UNC5C: variants seen among roughly 807,000 people sequenced by gnomAD.
UNC5C encodes netrin receptor UNC5C.
A neutral mutation model predicts 99.8 loss-of-function variants in UNC5C; 47 were observed. That is an observed-to-expected ratio of 0.47 (90% CI 0.37 to 0.60). The LOEUF is 0.60. Ranked by LOEUF, UNC5C falls within the 20% of genes least tolerant of loss-of-function variation. The pLI, the probability that UNC5C is intolerant of heterozygous loss-of-function variation, is 0.00. For missense variants in UNC5C, 1,062 were observed against 1,165.9 expected (o/e 0.91, Z 1.30); for synonymous variants, 487 against 452.2 (o/e 1.08, Z -0.98).
chr4:95,532,474 A>G (rs555187893), intron 1 of UNC5C, among the ~76,000 whole-genome samples: 1 of 151,070 alleles, frequency 6.6e-6, no homozygotes, highest in East Asian at 2.0e-4. Flanking sequence ...AATCCCGATT[A>G]CATTCTGGCT....
intron 3 of UNC5C, among the ~76,000 whole-genome samples, chr4:95,286,327 T>C (rs1741234290): frequency 1.3e-5 from 2 of 152,188 alleles, no homozygotes; most frequent in Non-Finnish European, 2.9e-5. Context: ...GGTTGGGCCC[T>C]GGGAATCTAC....
At chr4:95,328,613 T>C (rs1302508898) in intron 2 of UNC5C, among the ~76,000 whole-genome samples, 5 of 143,628 alleles carry the variant, frequency 3.5e-5, no homozygotes, top group East Asian at 2.2e-4. Flanking sequence ...ATGGTATTTC[T>C]AGTTCTAGAT....
intron 2 of UNC5C, among the ~76,000 whole-genome samples, chr4:95,307,076 T>C (rs1742087115): frequency 6.6e-6 from 1 of 152,292 alleles, no homozygotes; most frequent in East Asian, 1.9e-4. Flanking sequence ...AACTGATTAT[T>C]ATTTCAGCAT....
chr4:95,474,525 G>A (rs1286344564), intron 1 of UNC5C, among the ~76,000 whole-genome samples: 1 of 151,880 alleles, frequency 6.6e-6, no homozygotes, highest in African/African-American at 2.4e-5. Flanking sequence ...CCTGACCTCA[G>A]GTGATCTACG....
intron 7 of UNC5C, among the ~76,000 whole-genome samples, chr4:95,224,659 C>A (rs1446080346): frequency 1.3e-5 from 2 of 151,988 alleles, no homozygotes; most frequent in Non-Finnish European, 2.9e-5. Flanking sequence ...TACTCTTGAA[C>A]CTTATTATAT....
At chr4:95,392,172 A>C (rs777801588) in intron 1 of UNC5C, among the ~76,000 whole-genome samples, 1 of 152,216 alleles carries the variant, frequency 6.6e-6, no homozygotes, top group Non-Finnish European at 1.5e-5. Context: ...AAACTGGGTA[A>C]GTTTAAAAAA....
chr4:95,385,970 A>G (rs1478867831), intron 1 of UNC5C, among the ~76,000 whole-genome samples: 2 of 152,154 alleles, frequency 1.3e-5, no homozygotes, highest in African/African-American at 4.8e-5. Flanking sequence ...AAAAAGCCTC[A>G]GTCCTCCCCA....
chr4:95,352,941 G>A (rs772753501), intron 1 of UNC5C, among the ~76,000 whole-genome samples: 1 of 152,078 alleles, frequency 6.6e-6, no homozygotes, highest in Non-Finnish European at 1.5e-5. Flanking sequence ...GCTTCTGCTG[G>A]AAACTTTCAG....
chr4:95,509,458 AAAAT>A (rs141009609), intron 1 of UNC5C, among the ~76,000 whole-genome samples: 10,372 of 151,846 alleles, frequency 0.068, 439 homozygotes, highest in Non-Finnish European at 0.099. Context: ...ATCATAAACT[AAAAT>A]AAAGAAAGAT....
At chr4:95,418,253 C>A (rs1243652073) in intron 1 of UNC5C, among the ~76,000 whole-genome samples, 2 of 152,184 alleles carry the variant, frequency 1.3e-5, no homozygotes, top group Non-Finnish European at 2.9e-5. Flanking sequence ...CATTTCAAAG[C>A]AATTGCATTT....
intron 1 of UNC5C, among the ~76,000 whole-genome samples, chr4:95,344,031 A>C (rs1197396570): frequency 6.6e-6 from 1 of 152,140 alleles, no homozygotes; most frequent in East Asian, 1.9e-4. Context: ...GTTTATTCAA[A>C]GGGATAATAA....
chr4:95,393,862 T>TA (rs1745431853), intron 1 of UNC5C, among the ~76,000 whole-genome samples: 1 of 146,420 alleles, frequency 6.8e-6, no homozygotes, highest in South Asian at 2.1e-4. Flanking sequence ...TTTTTTTTTT[T>TA]TAAAAAAAAA....
At chr4:95,352,793 T>C (rs573176095) in intron 1 of UNC5C, among the ~76,000 whole-genome samples, 2 of 152,284 alleles carry the variant, frequency 1.3e-5, no homozygotes, top group African/African-American at 4.8e-5. Context: ...AGGACTCAAG[T>C]TGAGGTCCTT....
intron 14 of UNC5C, among the ~76,000 whole-genome samples, chr4:95,181,904 C>A (rs1372133099): frequency 6.6e-6 from 1 of 152,210 alleles, no homozygotes; most frequent in African/African-American, 2.4e-5. Context: ...CGTCACTGTG[C>A]ATGACACAAC....
chr4:95,316,120 A>C (rs12504841), intron 2 of UNC5C, among the ~76,000 whole-genome samples: 4,103 of 152,304 alleles, frequency 0.027, 145 homozygotes, highest in East Asian at 0.13. Context: ...CATCAAGCTC[A>C]CATTTTTACT....
At chr4:95,456,188 G>A (rs1453233792) in intron 1 of UNC5C, among the ~76,000 whole-genome samples, 2 of 151,734 alleles carry the variant, frequency 1.3e-5, no homozygotes, top group African/African-American at 2.4e-5. Flanking sequence ...TTAATATGGA[G>A]GAACACACCA....
chr4:95,538,211 T>C (rs915804505), intron 1 of UNC5C, among the ~76,000 whole-genome samples: 26 of 152,250 alleles, frequency 1.7e-4, no homozygotes, highest in Admixed American at 1.6e-3. Flanking sequence ...TACTGCATTA[T>C]ATGAAAAAAT....
At chr4:95,243,934 A>G (rs973560125) in intron 6 of UNC5C, among the ~76,000 whole-genome samples, 1 of 152,216 alleles carries the variant, frequency 6.6e-6, no homozygotes, top group Admixed American at 6.5e-5. Flanking sequence ...ATTTTAAGCT[A>G]GCTAAGTGTC....
chr4:95,468,668 G>T (rs72876430), intron 1 of UNC5C, among the ~76,000 whole-genome samples: 4,522 of 152,148 alleles, frequency 0.03, 110 homozygotes, highest in African/African-American at 0.064. Context: ...CTCTATGGAG[G>T]TTCTCTTCCA....
Sources: allele counts gnomAD v4.1 joint callset (sites outside exome capture counted in the v4.1 genomes callset), GRCh38; gene constraint gnomAD v4.1.1; transcripts MANE v1.5; gene names NCBI Gene and HGNC (gene_info 2026-07-23, HGNC 2026-07-21).